MAST2: variants seen among roughly 807,000 people sequenced by gnomAD.
The protein encoded by MAST2 is microtubule-associated serine/threonine-protein kinase 2.
In MAST2, 70 loss-of-function variants were observed where a neutral mutation model predicts 147.4. The observed-to-expected ratio is 0.47, with a 90% CI of 0.39 to 0.58. MAST2 has a LOEUF of 0.58. MAST2 is among the 20% of genes least tolerant of loss of function. MAST2 has a pLI of 0.00. For synonymous variants in MAST2, 869 were observed against 896.8 expected, an observed-to-expected ratio of 0.97 and a Z score of 0.55; for missense variants, 2,080 against 2,302.3, an observed-to-expected ratio of 0.90 and a Z score of 1.98.
At chr1:45,917,333 T>G (rs1455782682) in intron 4 of MAST2, 4 of 1,363,094 alleles carry the variant, frequency 2.9e-6, no homozygotes, top group Non-Finnish European at 3.9e-6. Context: ...TGTGGTACCT[T>G]GTCAGAATCT....
intron 2 of MAST2, among the ~76,000 whole-genome samples, chr1:45,828,693 C>T (rs1644863102): frequency 6.6e-6 from 1 of 152,132 alleles, no homozygotes; most frequent in Non-Finnish European, 1.5e-5. Flanking sequence ...GAGGCCAAGG[C>T]GGGCACATCA....
intron 10 of MAST2, among the ~76,000 whole-genome samples, chr1:46,012,823 CAT>C (rs751202722): frequency 1.1e-4 from 16 of 151,250 alleles, no homozygotes; most frequent in Admixed American, 2.6e-4. Context: ...AGTGAGACCC[CAT>C]CTCTACACTA....
intron 3 of MAST2, among the ~76,000 whole-genome samples, chr1:45,859,955 C>G (rs866159678): frequency 6.6e-6 from 1 of 152,084 alleles, no homozygotes; most frequent in Admixed American, 6.6e-5. Context: ...AGCATGGGTT[C>G]AAGTTTCTAC....
At chr1:45,870,876 C>A (rs1358474747) in intron 3 of MAST2, among the ~76,000 whole-genome samples, 1 of 151,944 alleles carries the variant, frequency 6.6e-6, no homozygotes, top group African/African-American at 2.4e-5. Flanking sequence ...CTGCCGTGAG[C>A]CATGATTGTG....
At chr1:45,968,130 T>A (rs1643688446) in intron 5 of MAST2, among the ~76,000 whole-genome samples, 1 of 152,226 alleles carries the variant, frequency 6.6e-6, no homozygotes, top group Non-Finnish European at 1.5e-5. Context: ...ATGCAAATAT[T>A]TCAAAATCAG....
intron 6 of MAST2, among the ~76,000 whole-genome samples, chr1:46,002,184 C>T (rs1272232646): frequency 2.0e-5 from 3 of 152,082 alleles, no homozygotes; most frequent in Admixed American, 6.6e-5. Flanking sequence ...CAGGAAGCCT[C>T]CCCCAAAGTC....
chr1:45,871,945 G>T (rs914282742), intron 3 of MAST2, among the ~76,000 whole-genome samples: 1 of 152,108 alleles, frequency 6.6e-6, no homozygotes, highest in Admixed American at 6.5e-5. Context: ...ACCTAGGCTG[G>T]TCTCAAACTC....
chr1:45,911,812 TAATA>T (rs1311361743), intron 4 of MAST2, among the ~76,000 whole-genome samples: 1 of 149,306 alleles, frequency 6.7e-6, no homozygotes, highest in African/African-American at 2.4e-5. Context: ...GTTAAGCACT[TAATA>T]AATGTTGGTT....
At position 46,030,509 on chromosome 1, in the gene MAST2, G is replaced by A. The variant is rs1044583008; in HGVS notation, c.2554-98G>A. On this transcript the variant is annotated intron_variant, in intron 21 of 28. Coordinates refer to ENST00000361297, the MANE Select transcript of MAST2 (RefSeq NM_015112.3). ...GTGTGAAGGAGGGATGGAACCGACT[G>A]GTTCAAATTCCTAGGTTTCCGATGC... The A allele has an allele frequency of 1.2e-5, 17 of 1,411,930 alleles. No homozygotes were observed. The Admixed American group carries it at 3.7e-4, about 30-fold the overall frequency. 87.5% of individuals were successfully genotyped at this position (1,411,930 alleles called of 1,614,324 possible).
intron 5 of MAST2, among the ~76,000 whole-genome samples, chr1:45,971,522 A>C (rs1056711361): frequency 1.3e-5 from 2 of 152,208 alleles, no homozygotes; most frequent in Non-Finnish European, 2.9e-5. Context: ...ACGTTCCCAC[A>C]CCACTGACTG....
chr1:45,911,165 T>C (rs1033309943), intron 4 of MAST2, among the ~76,000 whole-genome samples: 1 of 152,168 alleles, frequency 6.6e-6, no homozygotes, highest in Non-Finnish European at 1.5e-5. Context: ...TTGAGCCCTG[T>C]CACCAGTCCC....
chr1:45,831,563 G>A (rs1644956834), intron 3 of MAST2, among the ~76,000 whole-genome samples: 1 of 151,928 alleles, frequency 6.6e-6, no homozygotes, highest in Non-Finnish European at 1.5e-5. Context: ...AGACAGAATG[G>A]TACAGTGAAC....
At chr1:45,889,807 C>T (rs1281942792) in intron 4 of MAST2, among the ~76,000 whole-genome samples, 4 of 151,678 alleles carry the variant, frequency 2.6e-5, no homozygotes, top group Non-Finnish European at 5.9e-5. Context: ...GCCAGGGTTT[C>T]ACCACATTGG....
intron 4 of MAST2, among the ~76,000 whole-genome samples, chr1:45,884,868 G>T (rs1472827976): frequency 6.6e-6 from 1 of 152,168 alleles, no homozygotes; most frequent in Admixed American, 6.5e-5. Context: ...CTTGTAAAAT[G>T]AAGGGATTGG....
intron 4 of MAST2, among the ~76,000 whole-genome samples, chr1:45,957,848 C>T (rs1659860952): frequency 1.3e-5 from 2 of 152,162 alleles, no homozygotes; most frequent in Non-Finnish European, 2.9e-5. Context: ...TCTTCAGTCA[C>T]TCTAAGTTCC....
chr1:45,966,078 A>G (rs535322541), intron 5 of MAST2, among the ~76,000 whole-genome samples: 1 of 152,268 alleles, frequency 6.6e-6, no homozygotes, highest in South Asian at 2.1e-4. Context: ...CTGTCTCCAC[A>G]GTTTTGCCTT....
chr1:46,025,992 G>C (rs1646393015), intron 16 of MAST2, among the ~76,000 whole-genome samples, 177 bp downstream of exon 16: 1 of 152,192 alleles, frequency 6.6e-6, no homozygotes. Context: ...GCAGATCATT[G>C]CCTCAAGGTC....
intron 3 of MAST2, among the ~76,000 whole-genome samples, chr1:45,840,950 C>G (rs2147906989): frequency 6.6e-6 from 1 of 152,262 alleles, no homozygotes; most frequent in Non-Finnish European, 1.5e-5. Context: ...CTAACTGGTT[C>G]ATTAATCTCT....
rs573604057 is a variant in MAST2 at position 45,927,128 on chromosome 1, T to C, written c.501-32258T>C. 7.3e-5 allele frequency among the ~76,000 whole-genome samples: 11 copies of C among 150,760 alleles called. No individual in the cohort carries two copies. The East Asian group carries it at 2.1e-3, about 29-fold the overall frequency. On this transcript the variant is annotated intron_variant, in intron 4 of 28. Coordinates refer to ENST00000361297, the MANE Select transcript of MAST2 (RefSeq NM_015112.3). ...TAGGGATTTTCAAAAGGGGAGGGAGTGTGCGAATAGGTGTGGGTGACAGAC... is the reference window on the plus strand; with the variant it reads ...TAGGGATTTTCAAAAGGGGAGGGAGCGTGCGAATAGGTGTGGGTGACAGAC...
Sources: allele counts gnomAD v4.1 joint callset (sites outside exome capture counted in the v4.1 genomes callset), GRCh38; gene constraint gnomAD v4.1.1; transcripts MANE v1.5; gene names NCBI Gene and HGNC (gene_info 2026-07-23, HGNC 2026-07-21).